The following NFIA variants were observed in gnomAD, a reference collection of about 807,000 sequenced individuals.
The protein encoded by NFIA is nuclear factor I A, also known as nuclear factor 1 A-type.
In NFIA, 8 loss-of-function variants were observed where a neutral mutation model predicts 62.8. The ratio of observed to expected loss-of-function variants is 0.13; its 90% CI spans 0.07 to 0.23. The LOEUF (loss-of-function observed/expected upper bound fraction) is 0.23. Ranked by LOEUF, NFIA falls within the 10% of genes least tolerant of loss-of-function variation. The probability of loss-of-function intolerance (pLI) is 1.00; values close to 1 mark genes in which losing one functional copy is unlikely to be tolerated. For synonymous variants in NFIA, 235 were observed against 238.1 expected (o/e 0.99, Z 0.12); for missense variants, 410 against 642.1 (o/e 0.64, Z 3.91).
At chr1:61,157,190 T>G (rs1261175771) in intron 2 of NFIA, among the ~76,000 whole-genome samples, 1 of 152,248 alleles carries the variant, frequency 6.6e-6, no homozygotes, top group Non-Finnish European at 1.5e-5. Flanking sequence ...TTTTTTTGTT[T>G]TTGACATAAA....
intron 10 of NFIA, among the ~76,000 whole-genome samples, chr1:61,444,601 A>T (rs1162196263): frequency 6.6e-5 from 10 of 152,244 alleles, no homozygotes; most frequent in Admixed American, 6.5e-4. Flanking sequence ...TTGATGCAGT[A>T]GAACAGGAAG....
chr1:61,091,434 A>G (rs942285121), intron 2 of NFIA, among the ~76,000 whole-genome samples: 8 of 152,142 alleles, frequency 5.3e-5, no homozygotes, highest in African/African-American at 1.9e-4. Flanking sequence ...TTTCCCTCTA[A>G]ATCCAGTGGC....
chr1:61,115,932 T>A (rs1002882241), intron 2 of NFIA, among the ~76,000 whole-genome samples: 42 of 152,104 alleles, frequency 2.8e-4, no homozygotes, highest in African/African-American at 9.4e-4. Context: ...ACCACAGTTC[T>A]CCCTGTTCTT....
At chr1:61,162,568 G>A (rs1379797906) in intron 2 of NFIA, among the ~76,000 whole-genome samples, 2 of 152,126 alleles carry the variant, frequency 1.3e-5, no homozygotes, top group African/African-American at 4.8e-5. Flanking sequence ...CTAGTACCAG[G>A]GTTCCACGGG....
At chr1:61,159,007 A>G (rs1454964211) in intron 2 of NFIA, among the ~76,000 whole-genome samples, 1 of 152,098 alleles carries the variant, frequency 6.6e-6, no homozygotes, top group African/African-American at 2.4e-5. Context: ...ATCTTTTTTC[A>G]TCTTGGTAGA....
At chr1:61,159,827 G>A (rs906486246) in intron 2 of NFIA, among the ~76,000 whole-genome samples, 7 of 151,598 alleles carry the variant, frequency 4.6e-5, no homozygotes, top group Non-Finnish European at 5.9e-5. Context: ...AATTACAGGC[G>A]CCTGCCACCA....
chr1:61,394,467 C>G (rs920951349), intron 7 of NFIA, among the ~76,000 whole-genome samples: 1 of 152,204 alleles, frequency 6.6e-6, no homozygotes, highest in African/African-American at 2.4e-5. Flanking sequence ...GCCACCATGC[C>G]TGACCAATTG....
At chr1:61,403,660 G>A (rs148555454) in intron 7 of NFIA, among the ~76,000 whole-genome samples, 1 of 152,192 alleles carries the variant, frequency 6.6e-6, no homozygotes, top group East Asian at 1.9e-4. Context: ...CTTGAAAGGG[G>A]TATAAGAGGT....
chr1:61,315,082 T>C (rs914531612), intron 3 of NFIA, among the ~76,000 whole-genome samples: 4 of 152,150 alleles, frequency 2.6e-5, no homozygotes, highest in African/African-American at 9.7e-5. Flanking sequence ...ACCCTTTTAA[T>C]GGTAGTTGGA....
intron 2 of NFIA, chr1:61,125,142 A>G (rs574656224): frequency 1.4e-4 from 22 of 152,340 alleles, no homozygotes; most frequent in South Asian, 1.0e-3. Flanking sequence ...TCTTTATAAA[A>G]CTATTCTAAC....
intron 10 of NFIA, among the ~76,000 whole-genome samples, chr1:61,432,753 C>A (rs1356084288): frequency 6.6e-6 from 1 of 151,976 alleles, no homozygotes; most frequent in Non-Finnish European, 1.5e-5. Flanking sequence ...CAGTTTCAAG[C>A]CCTCACAGCT....
At chr1:61,176,608 ATTATC>A (rs1222523056) in intron 2 of NFIA, among the ~76,000 whole-genome samples, 1 of 152,098 alleles carries the variant, frequency 6.6e-6, no homozygotes, top group African/African-American at 2.4e-5. Context: ...AATGAGTAAT[ATTATC>A]TTAAGTTTAG....
At chr1:61,292,074 A>G (rs1312135407) in intron 3 of NFIA, among the ~76,000 whole-genome samples, 1 of 152,210 alleles carries the variant, frequency 6.6e-6, no homozygotes, top group Non-Finnish European at 1.5e-5. Context: ...TACCTCGCAG[A>G]CCATGGGTGA....
intron 3 of NFIA, among the ~76,000 whole-genome samples, chr1:61,311,420 A>G (rs1037421053): frequency 1.3e-5 from 2 of 148,730 alleles, no homozygotes; most frequent in Admixed American, 1.4e-4. Context: ...CAAAAAAAAC[A>G]TACTGTAGGG....
chr1:61,370,325 C>T (rs1356696013), intron 6 of NFIA, among the ~76,000 whole-genome samples: 1 of 152,160 alleles, frequency 6.6e-6, no homozygotes, highest in Non-Finnish European at 1.5e-5. Flanking sequence ...GAAATGCTCA[C>T]GTCGACAGAG....
chr1:61,078,834 T>C (rs1204233467), upstream of NFIA, among the ~76,000 whole-genome samples: 1 of 152,232 alleles, frequency 6.6e-6, no homozygotes, highest in Non-Finnish European at 1.5e-5. Flanking sequence ...TGCTAACTGT[T>C]AGTTGGAGTC....
Position 61,406,699 on chromosome 1 carries a change from A to G in NFIA, c.1392A>G (p.Glu464=). 1 of 1,612,308 alleles carries G rather than the reference A, an allele frequency of 6.2e-7. No individual in the cohort carries two copies. ...PDTKPPTTST[E]GGAASPTSPT... The stretch of plus-strand genomic sequence containing the variant: ...CAAAGCCTCCAACCACGTCAACAGA[A>G]GGAGGTGCAGCCTCCCCCACGTCAC... The change falls in exon 9 of 11, where the codon GAA becomes GAG. Residue 464 remains glutamate, a synonymous_variant. Transcript: ENST00000403491.
chr1:61,263,571 T>C (rs1212052587), intron 2 of NFIA, among the ~76,000 whole-genome samples: 2 of 152,144 alleles, frequency 1.3e-5, no homozygotes, highest in African/African-American at 4.8e-5. Context: ...TTGTTGAATA[T>C]AAAATAGATA....
At chr1:61,412,936 A>G (rs1363494563) in intron 9 of NFIA, among the ~76,000 whole-genome samples, 3 of 152,202 alleles carry the variant, frequency 2.0e-5, no homozygotes, top group South Asian at 2.1e-4. Flanking sequence ...TCAATATACT[A>G]TAAAAATGGA....
Sources: allele counts gnomAD v4.1 joint callset (sites outside exome capture counted in the v4.1 genomes callset), GRCh38; gene constraint gnomAD v4.1.1; transcripts MANE v1.5; gene names NCBI Gene and HGNC (gene_info 2026-07-23, HGNC 2026-07-21).